Variants in RIMS2 observed in about 807,000 individuals in gnomAD.
RIMS2 encodes regulating synaptic membrane exocytosis 2.
Under a neutral mutation model 174.4 loss-of-function variants are expected in RIMS2, and 59 were observed. The ratio of observed to expected loss-of-function variants is 0.34; its 90% CI spans 0.27 to 0.42. The LOEUF (loss-of-function observed/expected upper bound fraction) is 0.42, where lower values mean the gene tolerates loss of function less well. Ranked by LOEUF, RIMS2 falls within the 10% of genes least tolerant of loss-of-function variation. RIMS2 has a pLI of 1.00. For synonymous variants in RIMS2, 606 were observed against 572.5 expected (o/e 1.06, Z -0.84); for missense variants, 1,620 against 1,666.3 (o/e 0.97, Z 0.48).
intron 3 of RIMS2, among the ~76,000 whole-genome samples, chr8:103,812,616 A>G (rs2098695970): frequency 6.6e-6 from 1 of 152,162 alleles, no homozygotes; most frequent in Non-Finnish European, 1.5e-5. Flanking sequence ...TCCTGACCTC[A>G]GGTGATCTGC....
At chr8:103,899,341 G>A (rs2099313445) in intron 4 of RIMS2, among the ~76,000 whole-genome samples, 1 of 151,724 alleles carries the variant, frequency 6.6e-6, no homozygotes, top group South Asian at 2.1e-4. Flanking sequence ...CCTACCAACA[G>A]TGTAAAAGTG....
rs866102856 is a variant in RIMS2 at position 103,539,643 on chromosome 8, A to G, written c.176+38581A>G. On this transcript the variant is annotated intron_variant, in intron 1 of 23. Coordinates refer to ENST00000504942, the Ensembl canonical transcript of RIMS2. ...TACAGGCATTTTTTGCCACCAAGGC[A>G]ACCAACAGTCATTCCCTCTGAGGGA... Among the ~76,000 whole-genome samples the G allele has an allele frequency of 4.6e-5, 7 of 152,344 alleles. No homozygotes were observed. In the Middle Eastern group the frequency reaches 0.017, roughly 370 times the overall value.
chr8:103,716,025 G>C (rs1378855743), intron 2 of RIMS2, among the ~76,000 whole-genome samples: 1 of 151,496 alleles, frequency 6.6e-6, no homozygotes, highest in Non-Finnish European at 1.5e-5. Flanking sequence ...ATGTTTAATT[G>C]CTGTTATGGA....
intron 19 of RIMS2, among the ~76,000 whole-genome samples, chr8:104,071,993 T>C (rs928990166): frequency 6.6e-6 from 1 of 152,200 alleles, no homozygotes; most frequent in Non-Finnish European, 1.5e-5. Flanking sequence ...AGAATACTTA[T>C]CACTCTGTTT....
intron 1 of RIMS2, among the ~76,000 whole-genome samples, chr8:103,502,927 C>T (rs1821101164): frequency 2.0e-5 from 3 of 151,772 alleles, no homozygotes; most frequent in Admixed American, 6.6e-5. Flanking sequence ...TCAAAATGAA[C>T]AGTATGTTAG....
rs1050997046 is a variant in RIMS2, at chr8:103,936,432, A to G, written c.2376-119A>G. On this transcript the variant is annotated intron_variant, in intron 12 of 23. Transcript: ENST00000504942. ...TTAAAGGTTATAACATTTGCAATGT[A>G]TGATAATTTTATGGTAAAACTTCAC... is the stretch of plus-strand genomic sequence containing the variant. 5 of 589,480 alleles carry G rather than the reference A, an allele frequency of 8.5e-6. No individual in the cohort carries two copies. The African/African-American group carries it at 9.5e-5, about 11-fold the overall frequency. The allele number at this position is 589,480 out of a possible 1,614,324, so 36.5% of individuals were successfully genotyped here.
chr8:103,890,840 T>C (rs1318480829), intron 4 of RIMS2, among the ~76,000 whole-genome samples: 1 of 144,944 alleles, frequency 6.9e-6, no homozygotes, highest in African/African-American at 2.4e-5. Flanking sequence ...GATTTGTAAT[T>C]TGATCTATTA....
intron 19 of RIMS2, 26 bp downstream of exon 21, chr8:104,014,641 T>G: frequency 1.4e-6 from 2 of 1,395,442 alleles, no homozygotes; most frequent in Non-Finnish European, 2.0e-6. Flanking sequence ...AATTGTCTCG[T>G]TTAGGAAATA....
chr8:103,585,916 A>T (rs2093892647), intron 1 of RIMS2, among the ~76,000 whole-genome samples: 1 of 144,030 alleles, frequency 6.9e-6, no homozygotes, highest in Non-Finnish European at 1.5e-5. Flanking sequence ...TGCATCAATC[A>T]TTAAAAAAAA....
In RIMS2 at chr8:103,812,331, G is replaced by GTTTTTTTTT. The variant is rs71575985; in HGVS notation, c.698+45809_698+45817dup. ...GGTCAAATTATTACCTTATTACCTT[G>GTTTTTTTTT]TTTTTTTTTTTTTTTTTTTTTTTGT... On this transcript the variant is annotated intron_variant, in intron 3 of 23. Transcript: ENST00000504942. 2.0e-3 allele frequency among the ~76,000 whole-genome samples: 226 copies of GTTTTTTTTT among 111,534 alleles called. 2 individuals are homozygous for GTTTTTTTTT. Among genetic ancestry groups the GTTTTTTTTT allele is most frequent in the Non-Finnish European group, 3.0e-3 (171 of 56,510 alleles). 73.2% of individuals were successfully genotyped at this position (111,534 alleles called of 152,430 possible). A position where few individuals can be genotyped will look rare whatever the true frequency, so the allele number is the denominator to read the frequency against.
Position 103,501,059 on chromosome 8 carries a change from T to G in RIMS2, c.173T>G (p.Leu58Arg), listed in dbSNP as rs765558518. 3 of 1,599,768 alleles carry G rather than the reference T, an allele frequency of 1.9e-6. No individual in the cohort carries two copies. The South Asian group carries it at 3.4e-5, about 18-fold the overall frequency. The change falls in exon 1 of 24, where the codon CTC becomes CGC. Residue 58 changes from leucine (L) to arginine (R), a missense_variant. Physicochemically the swap from Leu to Arg is moderately radical, Grantham distance 102 (BLOSUM62 -2). Coordinates refer to ENST00000504942, the Ensembl canonical transcript of RIMS2. The stretch of plus-strand genomic sequence containing the variant: ...GAAGAGGAGAAGGAGCAGTCCGTGC[T>G]CAAGTAAGGACCTGGCTCCATATTC...
At chr8:103,733,531 T>A (rs1351033801) in intron 2 of RIMS2, among the ~76,000 whole-genome samples, 1 of 152,180 alleles carries the variant, frequency 6.6e-6, no homozygotes, top group Non-Finnish European at 1.5e-5. Flanking sequence ...CTTTCAAGTT[T>A]ATTTAGAACC....
chr8:103,569,841 C>T (rs2092679501), intron 1 of RIMS2, among the ~76,000 whole-genome samples: 1 of 150,864 alleles, frequency 6.6e-6, no homozygotes, highest in Non-Finnish European at 1.5e-5. Flanking sequence ...TGGTCTTTCG[C>T]AGGCTGGTCT....
intron 3 of RIMS2, among the ~76,000 whole-genome samples, chr8:103,780,649 G>A (rs2098378455): frequency 6.6e-6 from 1 of 151,912 alleles, no homozygotes; most frequent in South Asian, 2.1e-4. Context: ...TGCTTTCTGT[G>A]TTAACTTGGA....
intron 10 of RIMS2, among the ~76,000 whole-genome samples, chr8:103,923,277 G>A (rs73293883): frequency 0.053 from 8,090 of 151,708 alleles, 692 homozygotes; most frequent in African/African-American, 0.18. Context: ...GTGTGTGTGC[G>A]TGCGTGTCTG....
chr8:104,172,864 C>T (rs2098840237), intron 19 of RIMS2, among the ~76,000 whole-genome samples: 1 of 152,066 alleles, frequency 6.6e-6, no homozygotes, highest in Non-Finnish European at 1.5e-5. Flanking sequence ...TCACTTAGTC[C>T]AGCCAGTATT....
At chr8:103,995,071 G>A (rs1433357893) in intron 17 of RIMS2, among the ~76,000 whole-genome samples, 1 of 151,938 alleles carries the variant, frequency 6.6e-6, no homozygotes, top group Non-Finnish European at 1.5e-5. Flanking sequence ...TCTTCATAAA[G>A]CTATGTATAC....
chr8:103,571,963 T>C (rs2092842139), intron 1 of RIMS2, among the ~76,000 whole-genome samples: 1 of 152,150 alleles, frequency 6.6e-6, no homozygotes, highest in Non-Finnish European at 1.5e-5. Flanking sequence ...GCGTCAATAA[T>C]AGTAATAGTG....
At chr8:104,095,260 C>T (rs1383897456) in intron 19 of RIMS2, among the ~76,000 whole-genome samples, 2 of 152,112 alleles carry the variant, frequency 1.3e-5, no homozygotes, top group African/African-American at 4.8e-5. Context: ...GCTCTGGTTC[C>T]CTTGCTTCTT....
Sources: gnomAD v4.1 joint callset for allele counts (sites outside exome capture counted in the v4.1 genomes callset) on GRCh38, gnomAD v4.1.1 for gene constraint, MANE v1.5 for transcripts, NCBI Gene and HGNC (gene_info 2026-07-23, HGNC 2026-07-21) for gene names.